CTBP2: variants seen among roughly 807,000 people sequenced by gnomAD.
CTBP2 encodes the protein C-terminal-binding protein 2.
In CTBP2, 30 loss-of-function variants were observed where a neutral mutation model predicts 80.3. The observed-to-expected ratio is 0.37, with a 90% CI of 0.28 to 0.51. The LOEUF is 0.51. CTBP2 is among the 20% of genes least tolerant of loss of function. The pLI, the probability that CTBP2 is intolerant of heterozygous loss-of-function variation, is 0.93. For synonymous variants in CTBP2, 594 were observed against 587.4 expected (o/e 1.01, Z -0.16); for missense variants, 1,212 against 1,375.3 (o/e 0.88, Z 1.88).
chr10:125,130,290 C>G (rs958507864), intron 1 of CTBP2, among the ~76,000 whole-genome samples: 1 of 152,076 alleles, frequency 6.6e-6, no homozygotes, highest in African/African-American at 2.4e-5. Context: ...TCAGGTGATC[C>G]ACGCACCTCT....
At chr10:125,073,312 C>T (rs61869189) in intron 2 of CTBP2, among the ~76,000 whole-genome samples, 9,102 of 152,292 alleles carry the variant, frequency 0.06, 364 homozygotes, top group Middle Eastern at 0.14. Flanking sequence ...CTTGGCTCAC[C>T]GCAGCCTCCC....
At chr10:125,089,372 T>C (rs144438369) in intron 2 of CTBP2, among the ~76,000 whole-genome samples, 10 of 152,282 alleles carry the variant, frequency 6.6e-5, no homozygotes, top group African/African-American at 2.4e-4. Flanking sequence ...AATTATTTTG[T>C]GAAAGAGCCG....
In CTBP2 at chr10:125,124,503, G is replaced by A. The variant is rs149092632; in HGVS notation, c.-205-13410C>T. Among the ~76,000 whole-genome samples, 218 of 152,252 alleles carry A rather than the reference G, an allele frequency of 1.4e-3. 1 individual carries two copies. Among genetic ancestry groups the A allele is most frequent in the African/African-American group, 5.1e-3 (212 of 41,558 alleles). On this transcript the variant is annotated intron_variant, in intron 1 of 10. Coordinates refer to the CTBP2 transcript ENST00000337195. Reference sequence around the variant, plus strand: ...TCCCAAAATGTGCCACTAGGTACACGTGTATAGATAAAAAATAAGCAGATT... The same window carrying A: ...TCCCAAAATGTGCCACTAGGTACACATGTATAGATAAAAAATAAGCAGATT...
intron 3 of CTBP2, chr10:124,999,806 T>C (rs1954189836): frequency 6.6e-6 from 1 of 152,250 alleles, no homozygotes; most frequent in Non-Finnish European, 1.5e-5. Context: ...AGACTGAGGC[T>C]GATGCCAGAG....
chr10:125,113,185 C>T (rs56820580), intron 1 of CTBP2, among the ~76,000 whole-genome samples: 14,649 of 152,244 alleles, frequency 0.096, 905 homozygotes, highest in African/African-American at 0.16. Flanking sequence ...AAGGGAGGGA[C>T]AAGCATAGCT....
At chr10:125,147,881 C>T (rs942679969) in intron 1 of CTBP2, among the ~76,000 whole-genome samples, 6 of 152,014 alleles carry the variant, frequency 3.9e-5, no homozygotes, top group African/African-American at 7.2e-5. Context: ...CTCGGCGACA[C>T]GGTGAAACCC....
chr10:125,160,949 GAGAAA>G (rs1861831214), upstream of CTBP2: 2 of 150,936 alleles, frequency 1.3e-5, no homozygotes, highest in African/African-American at 4.9e-5. Flanking sequence ...GGAAAACGGA[GAGAAA>G]AGGAAAGGAA....
intron 1 of CTBP2, among the ~76,000 whole-genome samples, chr10:125,022,209 T>C (rs1957114589): frequency 6.6e-6 from 1 of 152,166 alleles, no homozygotes; most frequent in Admixed American, 6.5e-5. Context: ...TGCACACACA[T>C]GCGCTGTAGG....
chr10:125,019,268 T>G (rs1333334906), intron 1 of CTBP2, among the ~76,000 whole-genome samples: 1 of 152,200 alleles, frequency 6.6e-6, no homozygotes, highest in Non-Finnish European at 1.5e-5. Flanking sequence ...TCACACTCGT[T>G]TCTACATCGC....
intron 2 of CTBP2, among the ~76,000 whole-genome samples, chr10:125,068,934 C>T (rs1430388476): frequency 6.6e-6 from 1 of 152,190 alleles, no homozygotes; most frequent in African/African-American, 2.4e-5. Context: ...TCCTTTGGAT[C>T]CTGACACGCG....
chr10:125,137,152 G>A (rs1243610613), intron 1 of CTBP2, among the ~76,000 whole-genome samples: 2 of 152,218 alleles, frequency 1.3e-5, no homozygotes, highest in African/African-American at 4.8e-5. Flanking sequence ...GATACTGAAA[G>A]CACCAACAAT....
intron 1 of CTBP2, chr10:125,005,532 C>T (rs769681136): frequency 5.6e-5 from 89 of 1,601,082 alleles, no homozygotes; most frequent in Middle Eastern, 3.3e-4. Flanking sequence ...AGGGCCAACA[C>T]CCCCGTGTCC....
At chr10:125,153,336 T>TCCAAG (rs1860341068) in intron 1 of CTBP2, among the ~76,000 whole-genome samples, 1 of 152,170 alleles carries the variant, frequency 6.6e-6, no homozygotes, top group South Asian at 2.1e-4. Context: ...GTGTCCAGGA[T>TCCAAG]CCAGATGGAT....
intron 1 of CTBP2, among the ~76,000 whole-genome samples, chr10:125,024,104 G>A (rs1056076039): frequency 2.0e-5 from 3 of 152,178 alleles, no homozygotes; most frequent in African/African-American, 7.2e-5. Context: ...CACACACACC[G>A]TCTACTTTCC....
At chr10:125,054,297 T>G (rs1388163719) in intron 2 of CTBP2, among the ~76,000 whole-genome samples, 1 of 152,132 alleles carries the variant, frequency 6.6e-6, no homozygotes, top group East Asian at 1.9e-4. Flanking sequence ...CTTCTGAGAT[T>G]AGGTTAAAAG....
rs368840296 is a variant in CTBP2, at chr10:125,039,162, C to G, written c.-101-7G>C. The G allele has an allele frequency of 1.7e-5, 16 of 940,608 alleles. No individual in the cohort carries two copies. The highest frequency in any genetic ancestry group is 2.1e-5 in the Non-Finnish European group (13 of 616,450). The allele number at this position is 940,608 out of a possible 1,614,324, so 58.3% of individuals were successfully genotyped here. On this transcript the variant is annotated splice_region_variant and splice_polypyrimidine_tract_variant and intron_variant, in intron 2 of 10. Coordinates refer to the CTBP2 transcript ENST00000337195. Reference sequence around the variant, plus strand: ...CATGACGCCACTATGAACCCTGAAACAAGGAGAAAAGAATCCTTACTCTCT... The same window carrying G: ...CATGACGCCACTATGAACCCTGAAAGAAGGAGAAAAGAATCCTTACTCTCT...
At chr10:125,111,192 G>A (rs375343660) in intron 1 of CTBP2, 99 bp from the exon 2 acceptor site, 1 of 151,518 alleles carries the variant, frequency 6.6e-6, no homozygotes, top group Non-Finnish European at 1.5e-5. Context: ...CAATGCCTTC[G>A]ACTCTAAGCT....
intron 1 of CTBP2, among the ~76,000 whole-genome samples, chr10:125,143,538 C>T (rs1188243551): frequency 1.3e-5 from 2 of 152,140 alleles, no homozygotes; most frequent in Non-Finnish European, 2.9e-5. Flanking sequence ...CATGTTGAAA[C>T]CCTATGTCTA....
chr10:125,155,021 T>C (rs1219467703), intron 1 of CTBP2, among the ~76,000 whole-genome samples: 1 of 152,208 alleles, frequency 6.6e-6, no homozygotes, highest in Non-Finnish European at 1.5e-5. Flanking sequence ...TTGAATATCA[T>C]TTCCTAAAAT....
Sources: allele counts gnomAD v4.1 joint callset (sites outside exome capture counted in the v4.1 genomes callset), GRCh38; gene constraint gnomAD v4.1.1; transcripts MANE v1.5; gene names NCBI Gene and HGNC (gene_info 2026-07-23, HGNC 2026-07-21).